Variants in ELOVL6 observed in about 807,000 individuals in gnomAD.
ELOVL6 encodes the protein ELOVL fatty acid elongase 6.
A neutral mutation model predicts 31.7 loss-of-function variants in ELOVL6; 8 were observed. The observed-to-expected ratio is 0.25, with a 90% CI of 0.15 to 0.45. The LOEUF is 0.45. Among genes scored for constraint, ELOVL6 ranks in the 20% least tolerant of loss-of-function variants. The probability of loss-of-function intolerance (pLI) is 1.00; values close to 1 mark genes in which losing one functional copy is unlikely to be tolerated. For missense variants in ELOVL6, 126 were observed against 326.4 expected (o/e 0.39, Z 4.73); for synonymous variants, 101 against 117.7 (o/e 0.86, Z 0.92).
At chr4:110,064,124 T>C (rs1210362339) in intron 2 of ELOVL6, among the ~76,000 whole-genome samples, 1 of 150,486 alleles carries the variant, frequency 6.6e-6, no homozygotes, top group East Asian at 1.9e-4. Context: ...AAATATACCA[T>C]ACATATCATT....
intron 1 of ELOVL6, among the ~76,000 whole-genome samples, chr4:110,111,575 A>G (rs1757038175): frequency 1.3e-5 from 2 of 152,220 alleles, no homozygotes; most frequent in South Asian, 4.1e-4. Flanking sequence ...ATCTAGCTAG[A>G]AAGAAAAATT....
At chr4:110,178,250 T>G (rs1026703712) in intron 1 of ELOVL6, among the ~76,000 whole-genome samples, 1 of 152,140 alleles carries the variant, frequency 6.6e-6, no homozygotes, top group Non-Finnish European at 1.5e-5. Flanking sequence ...ATAATATTTT[T>G]GTAAAAAAGA....
intron 1 of ELOVL6, among the ~76,000 whole-genome samples, chr4:110,169,100 T>C (rs1380129125): frequency 6.6e-6 from 1 of 152,118 alleles, no homozygotes; most frequent in Non-Finnish European, 1.5e-5. Flanking sequence ...TTGCTGGGAC[T>C]GCAGGTGTAT....
At chr4:110,129,058 G>GGATAAA (rs1757592814) in intron 1 of ELOVL6, among the ~76,000 whole-genome samples, 2 of 152,216 alleles carry the variant, frequency 1.3e-5, no homozygotes, top group East Asian at 3.9e-4. Context: ...CAAAAGGACA[G>GGATAAA]GCTTATCTTG....
At chr4:110,059,929 C>T (rs764431228) in intron 2 of ELOVL6, 175 bp from the exon 3 acceptor site, 9 of 561,060 alleles carry the variant, frequency 1.6e-5, no homozygotes, top group Non-Finnish European at 2.8e-5. Context: ...AATACAATGA[C>T]TCAAGGGCTT....
chr4:110,181,761 A>G (rs1435337301), intron 1 of ELOVL6, among the ~76,000 whole-genome samples: 2 of 152,198 alleles, frequency 1.3e-5, no homozygotes, highest in Admixed American at 6.5e-5. Flanking sequence ...AATGGCCCAG[A>G]CCAGTATGAT....
At chr4:110,174,160 C>G (rs1236627083) in intron 1 of ELOVL6, among the ~76,000 whole-genome samples, 2 of 149,572 alleles carry the variant, frequency 1.3e-5, no homozygotes, top group African/African-American at 2.5e-5. Flanking sequence ...TAAAGAAAGA[C>G]AGTCTTTTTT....
At chr4:110,149,558 A>T (rs1353316670) in intron 1 of ELOVL6, among the ~76,000 whole-genome samples, 1 of 152,194 alleles carries the variant, frequency 6.6e-6, no homozygotes, top group Non-Finnish European at 1.5e-5. Flanking sequence ...TCACAAGTGG[A>T]AGCTAAATAA....
chr4:110,163,216 C>A (rs1374716944), intron 1 of ELOVL6, among the ~76,000 whole-genome samples: 1 of 152,182 alleles, frequency 6.6e-6, no homozygotes, highest in Non-Finnish European at 1.5e-5. Flanking sequence ...CTGGATCTCT[C>A]TTCTCCTAGA....
At chr4:110,096,343 T>G (rs1756580160) in intron 2 of ELOVL6, among the ~76,000 whole-genome samples, 1 of 152,232 alleles carries the variant, frequency 6.6e-6, no homozygotes, top group Non-Finnish European at 1.5e-5. Context: ...TTCTTATTTT[T>G]ATTATAGCTC....
At chr4:110,070,592 A>G (rs1193231458) in intron 2 of ELOVL6, among the ~76,000 whole-genome samples, 2 of 152,200 alleles carry the variant, frequency 1.3e-5, no homozygotes, top group African/African-American at 4.8e-5. Context: ...TCCTGGGGGA[A>G]AAAATCTCAC....
chr4:110,155,551 T>C (rs140887665), intron 1 of ELOVL6, among the ~76,000 whole-genome samples: 187 of 152,320 alleles, frequency 1.2e-3, no homozygotes, highest in African/African-American at 4.2e-3. Context: ...ATCTATGCGA[T>C]TGAGCTTTTT....
At chr4:110,103,752 A>G (rs1756814385) in intron 2 of ELOVL6, among the ~76,000 whole-genome samples, 1 of 150,926 alleles carries the variant, frequency 6.6e-6, no homozygotes, top group Admixed American at 6.6e-5. Flanking sequence ...AAAAAGAGGA[A>G]ATCTATAAGC....
chr4:110,086,258 T>C (rs1428369928), intron 2 of ELOVL6, among the ~76,000 whole-genome samples: 1 of 152,222 alleles, frequency 6.6e-6, no homozygotes, highest in African/African-American at 2.4e-5. Context: ...ACCAGGTATG[T>C]GCCCATAGGT....
intron 2 of ELOVL6, among the ~76,000 whole-genome samples, chr4:110,064,238 G>A (rs756280384): frequency 6.6e-6 from 1 of 150,694 alleles, no homozygotes; most frequent in Non-Finnish European, 1.5e-5. Flanking sequence ...GCAGCAAGGC[G>A]ATGAGGAGGT....
At chr4:110,098,946 T>C (rs1248087034) in intron 2 of ELOVL6, among the ~76,000 whole-genome samples, 1 of 152,136 alleles carries the variant, frequency 6.6e-6, no homozygotes, top group African/African-American at 2.4e-5. Flanking sequence ...TTGGCAACCA[T>C]AGGAAAAAAA....
chr4:110,057,588 TG>T (rs1336324426), intron 3 of ELOVL6, among the ~76,000 whole-genome samples: 1 of 152,090 alleles, frequency 6.6e-6, no homozygotes, highest in African/African-American at 2.4e-5. Flanking sequence ...CAGTGGCTCA[TG>T]CCTATAATAC....
chr4:110,084,219 TTATATGATATATATAACA>T (rs1289198522), intron 2 of ELOVL6, among the ~76,000 whole-genome samples: 3 of 51,494 alleles, frequency 5.8e-5, no homozygotes, highest in South Asian at 6.3e-4. Flanking sequence ...AACATATAAC[TTATATGATATATATAACA>T]TATATGATAT....
At chr4:110,134,473 G>A (rs1209051872) in intron 1 of ELOVL6, among the ~76,000 whole-genome samples, 1 of 152,132 alleles carries the variant, frequency 6.6e-6, no homozygotes, top group Non-Finnish European at 1.5e-5. Context: ...ATTATGCTAA[G>A]TCAGCTGATA....
Sources: gnomAD v4.1 joint callset for allele counts (sites outside exome capture counted in the v4.1 genomes callset) on GRCh38, gnomAD v4.1.1 for gene constraint, MANE v1.5 for transcripts, NCBI Gene and HGNC (gene_info 2026-07-23, HGNC 2026-07-21) for gene names.